MYO1C: variants seen among roughly 807,000 people sequenced by gnomAD.
MYO1C encodes the protein myosin IC, also known as unconventional myosin-Ic.
Under a neutral mutation model 150.8 loss-of-function variants are expected in MYO1C, and 104 were observed. The ratio of observed to expected loss-of-function variants is 0.69; its 90% confidence interval spans 0.59 to 0.81. MYO1C has a LOEUF of 0.81. MYO1C is among the 30% of genes least tolerant of loss of function. MYO1C has a pLI of 0.00. For missense variants in MYO1C, 1,504 were observed against 1,435.0 expected, an observed-to-expected ratio of 1.05 and a Z score of -0.78; for synonymous variants, 663 against 579.9, an observed-to-expected ratio of 1.14 and a Z score of -2.06.
chr17:1,480,862 G>T lies in MYO1C; in HGVS notation c.651C>A (p.Ile217=), dbSNP rs576935767. ...GTGACTTTTCCAGGAGGTAACTGAG[G>T]ATGTGGCCACCCACGGGGGCACCCT... ...DFKGAPVGGH[I]LSYLLEKSRV... Residue 217 remains isoleucine, a synonymous_variant, in exon 6 of 32, where the codon ATC becomes ATA. Transcript: ENST00000648651. The T allele has an allele frequency of 6.2e-7, 1 of 1,614,100 alleles. No individual in the cohort carries two copies. The highest frequency in any genetic ancestry group is 1.3e-5 in the African/African-American group (1 of 75,028).
In MYO1C at chr17:1,471,387, G is replaced by A. The variant is rs752501053; in HGVS notation, c.2022-51C>T. The A allele has an allele frequency of 2.0e-5, 30 of 1,531,464 alleles. No homozygotes were observed. The South Asian group carries it at 3.4e-4, about 17-fold the overall frequency. 94.9% of individuals were successfully genotyped at this position (1,531,464 alleles called of 1,614,324 possible). ...CCACCCCAGTCAGCAGCCTGCCCTG[G>A]GGACCCCAATCAGCTTTCTCTGGGC... On this transcript the variant is annotated intron_variant, in intron 19 of 31. Transcript: ENST00000648651.
At chr17:1,467,414 T>A in intron 30 of MYO1C, 66 bp downstream of exon 30, 1 of 1,592,660 alleles carries the variant, frequency 6.3e-7, no homozygotes. Flanking sequence ...CCCCACCCTG[T>A]CCCTGGGTGC....
At chr17:1,483,243 C>T (rs563458437) in intron 3 of MYO1C, among the ~76,000 whole-genome samples, 184 bp from the exon 4 acceptor site, 2 of 152,028 alleles carry the variant, frequency 1.3e-5, no homozygotes, top group Non-Finnish European at 2.9e-5. Context: ...TGGGCGTCAC[C>T]GCCAGCGGGA....
At chr17:1,469,501 C>T (rs1198281796) in intron 25 of MYO1C, 30 bp downstream of exon 25, 10 of 1,572,088 alleles carry the variant, frequency 6.4e-6, no homozygotes, top group Non-Finnish European at 8.7e-6. Flanking sequence ...ACTCCACTTC[C>T]TCATCCTCAC....
chr17:1,469,047 C>T, intron 25 of MYO1C: 1 of 301,086 alleles, frequency 3.3e-6, no homozygotes, highest in Non-Finnish European at 6.5e-6. Flanking sequence ...GTGTCCACTT[C>T]CTACACGAGG....
chr17:1,483,621 C>T lies in MYO1C; in HGVS notation c.336G>A (p.Val112=), dbSNP rs61756682. 3.5e-5 allele frequency: 56 copies of T among 1,609,116 alleles called. No homozygotes were observed. The Admixed American group carries it at 7.4e-4, about 21-fold the overall frequency. The change falls in exon 3 of 32, where the codon GTG becomes GTA. Residue 112 remains valine (V), a synonymous_variant. Coordinates refer to ENST00000648651, the MANE Select transcript of MYO1C (RefSeq NM_001080779.2). ...ERYRGVSFYE[V]PPHLFAVADT... is the part of the protein sequence containing the mutation. ...CTGGGGTCACTCACAGGTGAGGGGG[C>T]ACTTCATAGAAGCTGACGCCACGGT... is the stretch of plus-strand genomic sequence containing the variant.
In MYO1C at chr17:1,469,511, C is replaced by A; in HGVS notation, c.2610+20G>T. 6.3e-7 allele frequency: 1 copy of A among 1,592,076 alleles called. No individual in the cohort carries two copies. The highest frequency in any genetic ancestry group is 8.6e-7 in the Non-Finnish European group (1 of 1,166,468). On this transcript the variant is annotated intron_variant, in intron 25 of 31. Coordinates refer to ENST00000648651, the MANE Select transcript of MYO1C (RefSeq NM_001080779.2). ...CCCTGACTCCACTTCCTCATCCTCACCCAGCCCCGCTCTCCGTACCTGCTG... is the reference window on the plus strand; with the variant it reads ...CCCTGACTCCACTTCCTCATCCTCAACCAGCCCCGCTCTCCGTACCTGCTG...
chr17:1,491,356 C>T (rs2074727862), intron 1 of MYO1C: 1 of 153,464 alleles, frequency 6.5e-6, no homozygotes, highest in Admixed American at 6.5e-5. Flanking sequence ...GGTCCTGGGT[C>T]CTGCAGCCCA....
intron 5 of MYO1C, chr17:1,481,122 A>T: frequency 1.8e-6 from 1 of 565,052 alleles, no homozygotes; most frequent in Non-Finnish European, 3.2e-6. Flanking sequence ...CCTGACAGGT[A>T]TCGCAAATTC....
intron 21 of MYO1C, 157 bp downstream of exon 21, chr17:1,470,914 G>A (rs1006400977): frequency 6.3e-6 from 6 of 959,686 alleles, no homozygotes; most frequent in African/African-American, 3.2e-5. Context: ...GCTCCAAGTC[G>A]GCCATTGGAC....
At chr17:1,491,485 G>T in intron 1 of MYO1C, 2 of 346,024 alleles carry the variant, frequency 5.8e-6, no homozygotes, top group Non-Finnish European at 7.8e-6. Context: ...GCCGTTCTTC[G>T]GCCCCAGCGA....
intron 1 of MYO1C, among the ~76,000 whole-genome samples, chr17:1,488,366 T>C (rs1477121806): frequency 2.0e-5 from 3 of 152,086 alleles, no homozygotes; most frequent in Non-Finnish European, 4.4e-5. Context: ...GGCCTGCCCC[T>C]CCTCACTGGA....
Position 1,471,690 on chromosome 17 carries a change from G to A in MYO1C, c.2021+217C>T, listed in dbSNP as rs188733551. On this transcript the variant is annotated intron_variant, in intron 19 of 31. Transcript: ENST00000648651. ...CGGAGGCCTCCTGTACCCCTGACCG[G>A]GTGCTCCTGGAGGGCACGGCCTGGG... 2.1e-3 allele frequency among the ~76,000 whole-genome samples: 318 copies of A among 152,274 alleles called. 2 individuals are homozygous for A. Among genetic ancestry groups the A allele is most frequent in the Middle Eastern group, 0.014 (4 of 294 alleles).
chr17:1,482,800 GGCTTCTCT>G, intron 4 of MYO1C, 53 bp downstream of exon 4: 2 of 214,692 alleles, frequency 9.3e-6, no homozygotes, highest in South Asian at 3.9e-5. Context: ...TCCCACACTG[GGCTTCTCT>G]CCCTGCCCCT....
intron 1 of MYO1C, among the ~76,000 whole-genome samples, chr17:1,490,561 G>A (rs1379646492): frequency 6.6e-6 from 1 of 152,038 alleles, no homozygotes; most frequent in African/African-American, 2.4e-5. Context: ...CTCCTTACCT[G>A]GGCCAAGACA....
chr17:1,464,474 C>G lies in MYO1C; in HGVS notation c.*1252G>C, dbSNP rs900149853. 1 of 152,728 alleles carries G rather than the reference C, an allele frequency of 6.5e-6. No individual in the cohort carries two copies. Among genetic ancestry groups the G allele is most frequent in the Non-Finnish European group, 1.5e-5 (1 of 68,138 alleles). The allele number at this position is 152,728 out of a possible 1,614,324, so 9.5% of individuals were successfully genotyped here. ...TGTCTGTCATCCCAAGGCCTGGACT[C>G]TGGCAGAGGCGCTTTTCCCACCTGG... On this transcript the variant is annotated 3_prime_UTR_variant, in exon 32 of 32. Transcript: ENST00000648651.
intron 1 of MYO1C, among the ~76,000 whole-genome samples, chr17:1,486,523 G>GTT (rs34636701): frequency 0.41 from 59,616 of 145,040 alleles, 12,569 homozygotes; most frequent in African/African-American, 0.44. Flanking sequence ...TTTTTTTTCT[G>GTT]TTTTTTTTTT....
chr17:1,484,281 C>G lies in MYO1C; in HGVS notation c.98G>C (p.Arg33Pro). 6.2e-7 allele frequency: 1 copy of G among 1,611,066 alleles called. No homozygotes were observed. The highest frequency in any genetic ancestry group is 8.5e-7 in the Non-Finnish European group (1 of 1,179,984). ...CKLALGSDGV[R>P]VTMESALTAR... Reference sequence around the variant, plus strand: ...GGTGAGCGCACTCTCCATGGTCACCCGAACCCCGTCACTGCCCAGGGCCTG... The same window carrying G: ...GGTGAGCGCACTCTCCATGGTCACCGGAACCCCGTCACTGCCCAGGGCCTG... Residue 33 changes from arginine to proline, a missense_variant, in exon 2 of 32, where the codon CGG (arginine) becomes CCG (proline). By Grantham distance (103) the Arg-to-Pro change is moderately radical (BLOSUM62 -2). Coordinates refer to ENST00000648651, the MANE Select transcript of MYO1C (RefSeq NM_001080779.2).
chr17:1,467,330 G>A lies in MYO1C; in HGVS notation c.3077C>T (p.Ala1026Val). The A allele has an allele frequency of 6.2e-7, 1 of 1,613,034 alleles. No homozygotes were observed. The highest frequency in any genetic ancestry group is 8.5e-7 in the Non-Finnish European group (1 of 1,179,688). ...ININQGSITF[A>V]GGPGRDGTID... ...GGTGCCATCCCTGCCGGGGCCCCCTGCAAACGTGATGCTGGGGGAACGGGG... is the reference window on the plus strand; with the variant it reads ...GGTGCCATCCCTGCCGGGGCCCCCTACAAACGTGATGCTGGGGGAACGGGG... The change falls in exon 31 of 32, where the codon GCA becomes GTA. Residue 1026 changes from alanine (A) to valine (V), a missense_variant. Ala to Val is a moderately conservative substitution (Grantham distance 64, BLOSUM62 0). Transcript: ENST00000648651.
Sources: gnomAD v4.1 joint callset for allele counts (sites outside exome capture counted in the v4.1 genomes callset) on GRCh38, gnomAD v4.1.1 for gene constraint, MANE v1.5 for transcripts, NCBI Gene and HGNC (gene_info 2026-07-23, HGNC 2026-07-21) for gene names.